KDM2B: variants seen among roughly 807,000 people sequenced by gnomAD.
The protein encoded by KDM2B is lysine demethylase 2B.
Under a neutral mutation model 150.0 loss-of-function variants are expected in KDM2B, and 26 were observed. That is an observed-to-expected ratio of 0.17 (90% CI 0.13 to 0.24). KDM2B has a LOEUF of 0.24. KDM2B is among the 10% of genes least tolerant of loss of function. The pLI, the probability that KDM2B is intolerant of heterozygous loss-of-function variation, is 1.00. For missense variants in KDM2B, 1,265 were observed against 1,816.9 expected, an observed-to-expected ratio of 0.70 and a Z score of 5.52; for synonymous variants, 734 against 729.5, an observed-to-expected ratio of 1.01 and a Z score of -0.10.
intron 12 of KDM2B, among the ~76,000 whole-genome samples, chr12:121,474,296 G>A (rs534260750): frequency 6.6e-6 from 1 of 151,566 alleles, no homozygotes; most frequent in Non-Finnish European, 1.5e-5. Flanking sequence ...GGCAGATCAC[G>A]AGGTCGGGAG....
chr12:121,428,278 C>T (rs1325752167), downstream of KDM2B, among the ~76,000 whole-genome samples: 1 of 152,016 alleles, frequency 6.6e-6, no homozygotes, highest in Non-Finnish European at 1.5e-5. Flanking sequence ...CTGCAACCTC[C>T]GTGTCCTGGG....
At chr12:121,551,344 C>CTTT (rs1176650753) in intron 4 of KDM2B, among the ~76,000 whole-genome samples, 2 of 130,938 alleles carry the variant, frequency 1.5e-5, no homozygotes, top group African/African-American at 2.8e-5. Flanking sequence ...AGATTCCATT[C>CTTT]TTTTTTTTTT....
chr12:121,428,765 C>G (rs553914084), downstream of KDM2B, among the ~76,000 whole-genome samples: 5 of 152,316 alleles, frequency 3.3e-5, no homozygotes, highest in Admixed American at 2.6e-4. Flanking sequence ...ACCTCATGAC[C>G]AAGTGTTTCC....
At chr12:121,420,373 A>G in the KDM2B span, 1 of 1,554,656 alleles carries the variant, frequency 6.4e-7, no homozygotes, top group Non-Finnish European at 8.7e-7. Flanking sequence ...CTGACATGTC[A>G]GCCTGACAGG....
rs1410839820 is a variant in KDM2B, at chr12:121,440,060, C to T, written c.3626G>A (p.Arg1209Gln). Residue 1209 changes from arginine to glutamine, a missense_variant, in exon 22 of 23, where the codon CGG becomes CAG. Transcript: ENST00000377071. ...TDNRPGQMDN[R>Q]SKLRNIVELR... is the part of the protein sequence containing the mutation. Reference sequence around the variant, plus strand: ...CTCCACGATGTTCCGGAGCTTGCTCCGATTGTCCATCTGACCTGGTGGGGC... The same window carrying T: ...CTCCACGATGTTCCGGAGCTTGCTCTGATTGTCCATCTGACCTGGTGGGGC... The T allele has an allele frequency of 8.7e-6, 14 of 1,606,258 alleles. No homozygotes were observed. The Admixed American group carries it at 1.4e-4, about 16-fold the overall frequency.
chr12:121,574,539 C>T lies in KDM2B; in HGVS notation c.397+8G>A. 5 of 1,613,542 alleles carry T rather than the reference C, an allele frequency of 3.1e-6. No homozygotes were observed. Among genetic ancestry groups the T allele is most frequent in the South Asian group, 2.2e-5 (2 of 91,046 alleles). ...ATGTCTGAGCCACACACACGGCAAG[C>T]GACTTACCCACTAGGAGTTTGACGT... On this transcript the variant is annotated splice_region_variant and intron_variant, in intron 4 of 22. Transcript: ENST00000377071.
At chr12:121,553,859 C>G (rs1385964746) in intron 4 of KDM2B, among the ~76,000 whole-genome samples, 1 of 151,956 alleles carries the variant, frequency 6.6e-6, no homozygotes, top group Non-Finnish European at 1.5e-5. Flanking sequence ...CTAAAATGGA[C>G]TTTCATAATG....
At chr12:121,443,418 G>A (rs1875536034) in intron 17 of KDM2B, 1 of 583,906 alleles carries the variant, frequency 1.7e-6, no homozygotes, top group South Asian at 2.0e-5. Context: ...GCTGGTGACA[G>A]CACGGCCCGT....
intron 22 of KDM2B, among the ~76,000 whole-genome samples, chr12:121,434,712 C>G (rs574717723): frequency 6.6e-6 from 1 of 151,924 alleles, no homozygotes; most frequent in African/African-American, 2.4e-5. Context: ...AATCCCAGCA[C>G]TTTGGGAAGC....
In KDM2B at chr12:121,492,932, G is replaced by A. The variant is rs1032619581; in HGVS notation, c.1734+1647C>T. Among the ~76,000 whole-genome samples the A allele has an allele frequency of 4.6e-5, 7 of 151,600 alleles. No homozygotes were observed. In the East Asian group the frequency reaches 1.4e-3, roughly 29 times the overall value. On this transcript the variant is annotated intron_variant, in intron 12 of 22. Coordinates refer to ENST00000377071, the MANE Select transcript of KDM2B (RefSeq NM_032590.5). ...TTGTTTTGAGACAGGGTCTCAATCT[G>A]TTGCCCAGACTGAAGTGCAGTGGTG...
intron 11 of KDM2B, among the ~76,000 whole-genome samples, chr12:121,496,380 G>A (rs1883937263): frequency 1.3e-5 from 2 of 152,092 alleles, no homozygotes; most frequent in Non-Finnish European, 2.9e-5. Flanking sequence ...TGAGCAGGAA[G>A]AGCAGAAGCG....
chr12:121,413,138 G>A, the KDM2B span, among the ~76,000 whole-genome samples: 2 of 102,454 alleles, frequency 2.0e-5, no homozygotes, highest in African/African-American at 1.4e-4. Flanking sequence ...CGATTCTCCT[G>A]CCTCGGCCTT....
intron 12 of KDM2B, among the ~76,000 whole-genome samples, chr12:121,493,491 A>G (rs1883585322): frequency 6.6e-6 from 1 of 152,162 alleles, no homozygotes; most frequent in African/African-American, 2.4e-5. Flanking sequence ...TGGTACAGAG[A>G]TGACCTGATA....
chr12:121,545,425 T>C lies in KDM2B; in HGVS notation c.683+3452A>G, dbSNP rs114521388. The stretch of plus-strand genomic sequence containing the variant: ...AAAAAATGAGTGTGTGAGCCTCACT[T>C]TTTTTTTTGGTAATTAGATAGGATC... On this transcript the variant is annotated intron_variant, in intron 6 of 22. Transcript: ENST00000377071. Among the ~76,000 whole-genome samples, 365 of 150,796 alleles carry C rather than the reference T, an allele frequency of 2.4e-3. 2 individuals are homozygous for C. The highest frequency in any genetic ancestry group is 8.3e-3 in the African/African-American group (341 of 41,102).
Position 121,443,742 on chromosome 12 carries a change from G to A in KDM2B, c.2503C>T (p.Pro835Ser), listed in dbSNP as rs782678931. 12 of 1,611,062 alleles carry A rather than the reference G, an allele frequency of 7.4e-6. No homozygotes were observed. Among genetic ancestry groups the A allele is most frequent in the Middle Eastern group, 1.7e-4 (1 of 5,996 alleles). ...PGSSSHLSPRPPLGSSLSPWW... is the reference protein window; with the variant it reads ...PGSSSHLSPRSPLGSSLSPWW... ...GGGCTGAGGCTGCTGCCTAGAGGGGGCCTCGGCGAGAGGTGAGAGGAGGAA... is the reference window on the plus strand; with the variant it reads ...GGGCTGAGGCTGCTGCCTAGAGGGGACCTCGGCGAGAGGTGAGAGGAGGAA... Residue 835 changes from proline to serine, a missense_variant, in exon 17 of 23, where the codon CCC (proline) becomes TCC (serine). Coordinates refer to ENST00000377071, the MANE Select transcript of KDM2B (RefSeq NM_032590.5).
At chr12:121,571,085 C>A (rs1216320323) in intron 4 of KDM2B, among the ~76,000 whole-genome samples, 2 of 152,152 alleles carry the variant, frequency 1.3e-5, no homozygotes, top group Non-Finnish European at 2.9e-5. Flanking sequence ...GAGCCAGACA[C>A]AAAGGATCGT....
At chr12:121,558,854 G>A (rs1335253488) in intron 4 of KDM2B, among the ~76,000 whole-genome samples, 2 of 152,178 alleles carry the variant, frequency 1.3e-5, no homozygotes, top group African/African-American at 4.8e-5. Flanking sequence ...GCCTCTGAAA[G>A]TGCTGGGATT....
chr12:121,442,881 T>TGCGCCCGCCCAAGGCCTC lies in KDM2B; in HGVS notation c.2605-63_2605-46dup, dbSNP rs1555288954. On this transcript the variant is annotated intron_variant, in intron 18 of 22. Transcript: ENST00000377071. This position sits in a 1 kb window ranked among gnomAD's most constrained non-coding sequence, Gnocchi z 7.7. ...CGCGTCAGCCTCTGGGGCTCAGGGC[T>TGCGCCCGCCCAAGGCCTC]GCGCCCGCCCAAGGCCTCCCGCCCC... The TGCGCCCGCCCAAGGCCTC allele has an allele frequency of 1.3e-6, 2 of 1,538,038 alleles. No homozygotes were observed. The highest frequency in any genetic ancestry group is 8.7e-7 in the Non-Finnish European group (1 of 1,146,654).
chr12:121,493,059 CTTTTTTTTTTTTT>C (rs61628112), intron 12 of KDM2B, among the ~76,000 whole-genome samples: 2 of 54,080 alleles, frequency 3.7e-5, no homozygotes, highest in African/African-American at 1.2e-4. Context: ...TCATGCCTGG[CTTTTTTTTTTTTT>C]TTTTTTTTTT....
Sources: gnomAD v4.1 joint callset for allele counts (sites outside exome capture counted in the v4.1 genomes callset) on GRCh38, gnomAD v4.1.1 for gene constraint, Gnocchi (gnomAD v3.1) non-coding constraint, MANE v1.5 for transcripts, NCBI Gene and HGNC (gene_info 2026-07-23, HGNC 2026-07-21) for gene names.